The following CNNM4 variants were observed in gnomAD, a reference collection of about 807,000 sequenced individuals.
CNNM4 encodes cyclin and CBS domain divalent metal cation transport mediator 4.
In CNNM4, 32 loss-of-function variants were observed where a neutral mutation model predicts 53.7. The observed-to-expected ratio is 0.60, with a 90% CI of 0.45 to 0.80. The LOEUF (loss-of-function observed/expected upper bound fraction) is 0.80. CNNM4 is among the 30% of genes least tolerant of loss of function. CNNM4 has a pLI of 0.00. For synonymous variants in CNNM4, 410 were observed against 440.0 expected, an observed-to-expected ratio of 0.93 and a Z score of 0.85; for missense variants, 784 against 1,022.0, an observed-to-expected ratio of 0.77 and a Z score of 3.17.
At chr2:96,765,889 T>A (rs1009216994) in intron 1 of CNNM4, among the ~76,000 whole-genome samples, 2 of 146,852 alleles carry the variant, frequency 1.4e-5, no homozygotes, top group Admixed American at 1.4e-4. Context: ...CCACCTCCGA[T>A]TCTCCTGTCT....
Position 96,809,706 on chromosome 2 carries a change from G to T in CNNM4, c.*189G>T, listed in dbSNP as rs1269949616. ...CTCTGAGTAGCTCTGAGGTGGCACT[G>T]TCCAGCCCTGGATAGGGGGGGCAGT... On this transcript the variant is annotated 3_prime_UTR_variant, in exon 7 of 7. Coordinates refer to ENST00000377075, the MANE Select transcript of CNNM4 (RefSeq NM_020184.4). 6.0e-5 allele frequency: 35 copies of T among 588,198 alleles called. No homozygotes were observed. Among genetic ancestry groups the T allele is most frequent in the Non-Finnish European group, 9.9e-5 (33 of 332,730 alleles). 36.4% of individuals were successfully genotyped at this position (588,198 alleles called of 1,614,324 possible).
Position 96,808,712 on chromosome 2 carries a change from C to T in CNNM4, c.2100C>T (p.Val700=), listed in dbSNP as rs903011513. 3 of 1,614,108 alleles carry T rather than the reference C, an allele frequency of 1.9e-6. No individual in the cohort carries two copies. The Admixed American group carries it at 5.0e-5, about 27-fold the overall frequency. ...VLGQYISDFS[V]RALVDLQYIK... ...GCCAGTACATCTCTGACTTCAGCGTCCGGGCACTCGTGGACTTGCAGTACA... is the reference window on the plus strand; with the variant it reads ...GCCAGTACATCTCTGACTTCAGCGTTCGGGCACTCGTGGACTTGCAGTACA... The change falls in exon 6 of 7, where the codon GTC becomes GTT. Residue 700 remains valine, a synonymous_variant. Coordinates refer to ENST00000377075, the MANE Select transcript of CNNM4 (RefSeq NM_020184.4). This position sits in a 1 kb window ranked among gnomAD's most constrained non-coding sequence, Gnocchi z 4.9.
chr2:96,795,489 C>T (rs1259363622), intron 1 of CNNM4, among the ~76,000 whole-genome samples: 1 of 83,288 alleles, frequency 1.2e-5, no homozygotes, highest in Non-Finnish European at 2.0e-5. Context: ...AATGCAGTAC[C>T]CCCCCCCCCA....
chr2:96,797,372 C>A lies in CNNM4; in HGVS notation c.1547-141C>A. On this transcript the variant is annotated intron_variant, in intron 2 of 6. Coordinates refer to ENST00000377075, the MANE Select transcript of CNNM4 (RefSeq NM_020184.4). This position sits in a 1 kb window ranked among gnomAD's most constrained non-coding sequence, Gnocchi z 6.0. Reference sequence around the variant, plus strand: ...ACCCTCGGCCTTTGTGCCTCGGCGTCAGCCCAGGACCCTGCCAGCCAGAGC... The same window carrying A: ...ACCCTCGGCCTTTGTGCCTCGGCGTAAGCCCAGGACCCTGCCAGCCAGAGC... 7.1e-7 allele frequency: 1 copy of A among 1,405,408 alleles called. No individual in the cohort carries two copies. Among genetic ancestry groups the A allele is most frequent in the Non-Finnish European group, 9.9e-7 (1 of 1,005,566 alleles). The allele number at this position is 1,405,408 out of a possible 1,614,324, so 87.1% of individuals were successfully genotyped here.
chr2:96,764,074 C>T (rs894924486), intron 1 of CNNM4, among the ~76,000 whole-genome samples: 9 of 152,072 alleles, frequency 5.9e-5, no homozygotes, highest in African/African-American at 2.2e-4. Context: ...TCCTCACTGC[C>T]TCTGTGGTGT....
chr2:96,773,666 A>C (rs752145889), intron 1 of CNNM4, among the ~76,000 whole-genome samples: 28 of 152,138 alleles, frequency 1.8e-4, no homozygotes, highest in Non-Finnish European at 3.7e-4. Context: ...AACATGGTGA[A>C]ATGCTGTCTC....
intron 1 of CNNM4, among the ~76,000 whole-genome samples, chr2:96,764,330 C>G (rs1384862413): frequency 6.6e-6 from 1 of 152,142 alleles, no homozygotes; most frequent in Non-Finnish European, 1.5e-5. Flanking sequence ...CTCTGCTGAG[C>G]CAGAGTCCCC....
At position 96,797,281 on chromosome 2, in the gene CNNM4, G is replaced by A; in HGVS notation, c.1546+126G>A. On this transcript the variant is annotated intron_variant, in intron 2 of 6. Transcript: ENST00000377075. This position sits in a 1 kb window ranked among gnomAD's most constrained non-coding sequence, Gnocchi z 6.0. ...TAGCATCCAGAGGCCCAGTGGCTGG[G>A]TGCCCTGCACTGGCCGGGGTGAGCA... The A allele has an allele frequency of 7.0e-7, 1 of 1,435,914 alleles. No homozygotes were observed. Among genetic ancestry groups the A allele is most frequent in the Non-Finnish European group, 9.7e-7 (1 of 1,035,744 alleles). 88.9% of individuals were successfully genotyped at this position (1,435,914 alleles called of 1,614,324 possible).
intron 1 of CNNM4, among the ~76,000 whole-genome samples, chr2:96,787,909 C>T (rs1401559936): frequency 6.6e-6 from 1 of 152,158 alleles, no homozygotes; most frequent in African/African-American, 2.4e-5. Context: ...CTCTCCAGTA[C>T]CGCACTGTTT....
intron 3 of CNNM4, 64 bp from the exon 4 acceptor site, chr2:96,798,993 A>C: frequency 6.6e-7 from 1 of 1,506,230 alleles, no homozygotes; most frequent in South Asian, 1.1e-5. Flanking sequence ...GAGGCACAGC[A>C]GTGATCGAGC....
chr2:96,807,395 G>GCA (rs1454630951), intron 5 of CNNM4, among the ~76,000 whole-genome samples: 2 of 152,066 alleles, frequency 1.3e-5, no homozygotes, highest in African/African-American at 4.8e-5. Flanking sequence ...GGTTGAGGCA[G>GCA]GCGGATCACC....
At position 96,801,089 on chromosome 2, in the gene CNNM4, G is replaced by C. The variant is rs1326684772; in HGVS notation, c.1948+1441G>C. The C allele has an allele frequency of 6.1e-6, 6 of 985,268 alleles. No homozygotes were observed. Among genetic ancestry groups the C allele is most frequent in the Non-Finnish European group, 6.0e-6 (5 of 829,918 alleles). 61.0% of individuals were successfully genotyped at this position (985,268 alleles called of 1,614,324 possible). On this transcript the variant is annotated intron_variant, in intron 5 of 6. Transcript: ENST00000377075. This position sits in a 1 kb window ranked among gnomAD's most constrained non-coding sequence, Gnocchi z 5.6. ...TGCTCCAGTGCCTTCAGTCCAGGTC[G>C]GGTGTCCGCCTGGCAAGCGGAACTC...
At chr2:96,786,640 G>A (rs1411177853) in intron 1 of CNNM4, among the ~76,000 whole-genome samples, 1 of 151,592 alleles carries the variant, frequency 6.6e-6, no homozygotes, top group Non-Finnish European at 1.5e-5. Context: ...TTAGCTCAGC[G>A]TGGTGGCAGG....
At chr2:96,764,713 C>T (rs1055220767) in intron 1 of CNNM4, among the ~76,000 whole-genome samples, 4 of 152,138 alleles carry the variant, frequency 2.6e-5, no homozygotes, top group Middle Eastern at 3.2e-3. Flanking sequence ...CTTGGCCAGG[C>T]GCGGTGGCTC....
intron 1 of CNNM4, among the ~76,000 whole-genome samples, chr2:96,793,568 GC>G (rs548163977): frequency 1.4e-4 from 22 of 152,332 alleles, no homozygotes; most frequent in African/African-American, 5.3e-4. Context: ...AGTGGATCCC[GC>G]CAAGGGGTCT....
At chr2:96,773,484 A>G (rs766333187) in intron 1 of CNNM4, among the ~76,000 whole-genome samples, 2 of 152,214 alleles carry the variant, frequency 1.3e-5, no homozygotes, top group Non-Finnish European at 2.9e-5. Context: ...CCTGCTGTTC[A>G]GGGTGGTGTC....
intron 1 of CNNM4, among the ~76,000 whole-genome samples, chr2:96,771,263 TC>T (rs2078866461): frequency 6.7e-6 from 1 of 149,692 alleles, no homozygotes; most frequent in Non-Finnish European, 1.5e-5. Context: ...ACTCCTTACT[TC>T]TGTGCTTATT....
At chr2:96,806,488 T>C (rs2079207011) in intron 5 of CNNM4, among the ~76,000 whole-genome samples, 1 of 148,776 alleles carries the variant, frequency 6.7e-6, no homozygotes, top group Non-Finnish European at 1.5e-5. Flanking sequence ...TCTACTCTTC[T>C]TCCTTCCCTA....
intron 1 of CNNM4, among the ~76,000 whole-genome samples, chr2:96,794,977 A>G (rs1167582772): frequency 6.6e-6 from 1 of 152,264 alleles, no homozygotes; most frequent in Non-Finnish European, 1.5e-5. Flanking sequence ...CATGATGCTC[A>G]AAAGAAATGC....
Sources: allele counts gnomAD v4.1 joint callset (sites outside exome capture counted in the v4.1 genomes callset), GRCh38; gene constraint gnomAD v4.1.1; non-coding constraint Gnocchi (gnomAD v3.1); transcripts MANE v1.5; gene names NCBI Gene and HGNC (gene_info 2026-07-23, HGNC 2026-07-21).